Variants in ZNF521 observed in about 807,000 individuals in gnomAD.
ZNF521 encodes the protein zinc finger protein 521, also known as LYST-interacting protein 3.
ZNF521 carries 14 observed loss-of-function variants against 105.5 expected under a neutral mutation model. The ratio of observed to expected loss-of-function variants is 0.13; its 90% CI spans 0.09 to 0.21. The LOEUF (loss-of-function observed/expected upper bound fraction) is 0.21, where lower values mean the gene tolerates loss of function less well. ZNF521 is among the 10% of genes least tolerant of loss of function. ZNF521 has a pLI of 1.00. For synonymous variants in ZNF521, 635 were observed against 606.0 expected (o/e 1.05, Z -0.70); for missense variants, 1,233 against 1,629.7 (o/e 0.76, Z 4.19).
chr18:25,067,818 T>C (rs1359648730), intron 7 of ZNF521, among the ~76,000 whole-genome samples: 1 of 152,200 alleles, frequency 6.6e-6, no homozygotes, highest in Non-Finnish European at 1.5e-5. Flanking sequence ...GCAGAGACCG[T>C]GTCTCGTCTG....
chr18:25,335,804 AG>A (rs1290301039), intron 2 of ZNF521, among the ~76,000 whole-genome samples: 1 of 152,232 alleles, frequency 6.6e-6, no homozygotes, highest in South Asian at 2.1e-4. Context: ...AAGAAAAGAT[AG>A]TGTCTACGAA....
chr18:25,233,439 G>A (rs1469435989), intron 3 of ZNF521, among the ~76,000 whole-genome samples: 1 of 152,026 alleles, frequency 6.6e-6, no homozygotes, highest in African/African-American at 2.4e-5. Flanking sequence ...GTGTTCAAAT[G>A]AGAAATGTGA....
chr18:25,149,046 A>T (rs2034998026), intron 5 of ZNF521, among the ~76,000 whole-genome samples: 1 of 151,990 alleles, frequency 6.6e-6, no homozygotes, highest in Admixed American at 6.6e-5. Context: ...TTCTTTTTTC[A>T]CCACATCCCT....
chr18:25,348,087 A>G (rs1362009124), intron 2 of ZNF521, among the ~76,000 whole-genome samples: 3 of 152,334 alleles, frequency 2.0e-5, no homozygotes, highest in Non-Finnish European at 4.4e-5. Context: ...AAACCTATTA[A>G]TCAGTTATTC....
chr18:25,270,345 G>A (rs1274721250), intron 3 of ZNF521, among the ~76,000 whole-genome samples: 2 of 152,044 alleles, frequency 1.3e-5, no homozygotes, highest in Admixed American at 1.3e-4. Flanking sequence ...CATACCAGAG[G>A]TACAAAGAGG....
chr18:25,157,559 C>A (rs994059628), intron 5 of ZNF521, among the ~76,000 whole-genome samples: 1 of 152,138 alleles, frequency 6.6e-6, no homozygotes, highest in Non-Finnish European at 1.5e-5. Flanking sequence ...CCGTGCAAAA[C>A]GTCTAAGTGG....
At chr18:25,218,797 G>A (rs1905507153) in intron 4 of ZNF521, among the ~76,000 whole-genome samples, 1 of 151,864 alleles carries the variant, frequency 6.6e-6, no homozygotes, top group African/African-American at 2.4e-5. Flanking sequence ...GTGGTGAGCC[G>A]AGATCACGCC....
intron 5 of ZNF521, among the ~76,000 whole-genome samples, chr18:25,129,266 ATTATTAT>A (rs1458396971): frequency 4.5e-5 from 4 of 89,544 alleles, no homozygotes; most frequent in Admixed American, 1.3e-4. Flanking sequence ...AATAATAATA[ATTATTAT>A]TATTATTATT....
At chr18:25,176,997 G>T (rs1217706165) in intron 5 of ZNF521, among the ~76,000 whole-genome samples, 2 of 152,130 alleles carry the variant, frequency 1.3e-5, no homozygotes, top group African/African-American at 4.8e-5. Context: ...GCCTACATCT[G>T]TTCTACATCT....
rs1906475274 is a variant in ZNF521, at chr18:25,230,674, C to T, written c.221-2977G>A. 2.6e-5 allele frequency among the ~76,000 whole-genome samples: 4 copies of T among 152,162 alleles called. No homozygotes were observed. The South Asian group carries it at 8.3e-4, about 32-fold the overall frequency. ...TCCCTTTGGCACTAAGTGCTACTTA[C>T]AGGGACTGTCTTTCTGGGTGATGGC... On this transcript the variant is annotated intron_variant, in intron 3 of 7. Coordinates refer to ENST00000361524, the MANE Select transcript of ZNF521 (RefSeq NM_015461.3).
chr18:25,222,376 A>G (rs1415556735), intron 4 of ZNF521, among the ~76,000 whole-genome samples: 4 of 152,206 alleles, frequency 2.6e-5, no homozygotes, highest in Non-Finnish European at 5.9e-5. Flanking sequence ...ATATGTCCTC[A>G]TTCGTTTTTG....
intron 5 of ZNF521, among the ~76,000 whole-genome samples, chr18:25,179,346 C>T (rs906763331): frequency 3.3e-5 from 5 of 151,496 alleles, no homozygotes; most frequent in South Asian, 4.2e-4. Context: ...GATGGGGTTT[C>T]GCTCTTATGC....
intron 3 of ZNF521, among the ~76,000 whole-genome samples, chr18:25,314,170 A>G (rs370227927): frequency 1.1e-4 from 16 of 152,302 alleles, no homozygotes; most frequent in African/African-American, 3.8e-4. Flanking sequence ...ATTTATTTCA[A>G]CTAATGGTTT....
intron 4 of ZNF521, among the ~76,000 whole-genome samples, chr18:25,220,646 C>T (rs139750413): frequency 1.3e-4 from 20 of 152,242 alleles, no homozygotes; most frequent in Admixed American, 3.9e-4. Context: ...ATGCACATCT[C>T]GCGACATGGA....
At chr18:25,132,514 T>A (rs997621410) in intron 5 of ZNF521, among the ~76,000 whole-genome samples, 1 of 152,198 alleles carries the variant, frequency 6.6e-6, no homozygotes, top group African/African-American at 2.4e-5. Context: ...GTATGTGATA[T>A]GAAACTATTT....
Position 25,226,967 on chromosome 18 carries a change from C to T in ZNF521, c.951G>A (p.Glu317=), listed in dbSNP as rs1210614778. The T allele has an allele frequency of 6.2e-7, 1 of 1,614,042 alleles. No individual in the cohort carries two copies. Among genetic ancestry groups the T allele is most frequent in the South Asian group, 1.1e-5 (1 of 91,066 alleles). ...ACAGTTCCTCAACTGTGTGGAAACT[C>T]TCAGAACAAATGCTGCATGAGTTCT... ...EKKNSCSICS[E]SFHTVEELYS... is the part of the protein sequence containing the mutation. The change falls in exon 4 of 8, where the codon GAG becomes GAA. Residue 317 remains glutamate (E), a synonymous_variant. Transcript: ENST00000361524. This position sits in a 1 kb window ranked among gnomAD's most constrained non-coding sequence, Gnocchi z 4.1.
At chr18:25,069,274 G>C (rs1392840134) in intron 7 of ZNF521, among the ~76,000 whole-genome samples, 1 of 152,090 alleles carries the variant, frequency 6.6e-6, no homozygotes, top group Non-Finnish European at 1.5e-5. Context: ...AATGATGACA[G>C]GATCCTGGGT....
chr18:25,345,026 C>G (rs983910542), intron 2 of ZNF521, among the ~76,000 whole-genome samples: 2 of 152,162 alleles, frequency 1.3e-5, no homozygotes, highest in African/African-American at 4.8e-5. Flanking sequence ...GCTTTTACAT[C>G]AAAATGAAAA....
chr18:25,227,441 G>A lies in ZNF521; in HGVS notation c.477C>T (p.Arg159=), dbSNP rs774334848. 3 of 1,614,126 alleles carry A rather than the reference G, an allele frequency of 1.9e-6. No individual in the cohort carries two copies. The highest frequency in any genetic ancestry group is 2.2e-5 in the South Asian group (2 of 91,084). The change falls in exon 4 of 8, where the codon CGC becomes CGT. Residue 159 remains arginine, a synonymous_variant. Transcript: ENST00000361524. This position sits in a 1 kb window ranked among gnomAD's most constrained non-coding sequence, Gnocchi z 5.7. ...TYCSRLFKHK[R]SRDRHIKLHT... ...GGAGTTTTATGTGGCGATCTCGGCT[G>A]CGCTTGTGTTTGAACAGCCTACTGC...
Sources: allele counts gnomAD v4.1 joint callset (sites outside exome capture counted in the v4.1 genomes callset), GRCh38; gene constraint gnomAD v4.1.1; non-coding constraint Gnocchi (gnomAD v3.1); transcripts MANE v1.5; gene names NCBI Gene and HGNC (gene_info 2026-07-23, HGNC 2026-07-21).